Variants in SNX13 observed in about 807,000 individuals in gnomAD.
The protein encoded by SNX13 is sorting nexin 13, also known as sorting nexin-13.
A neutral mutation model predicts 133.6 loss-of-function variants in SNX13; 45 were observed. The observed-to-expected ratio is 0.34, with a 90% confidence interval of 0.27 to 0.43. The LOEUF (loss-of-function observed/expected upper bound fraction) is 0.43, where lower values mean the gene tolerates loss of function less well. Ranked by LOEUF, SNX13 falls within the 20% of genes least tolerant of loss-of-function variation. The pLI is 1.00. For missense variants in SNX13, 1,032 were observed against 1,145.1 expected (o/e 0.90, Z 1.43); for synonymous variants, 414 against 373.9 (o/e 1.11, Z -1.24).
intron 1 of SNX13, 132 bp downstream of exon 1, chr7:17,940,152 C>T (rs1802658994): frequency 8.2e-7 from 1 of 1,217,500 alleles, no homozygotes; most frequent in Non-Finnish European, 1.2e-6. Context: ...GTAGGATCCC[C>T]GCTGCTCCTC....
intron 20 of SNX13, among the ~76,000 whole-genome samples, chr7:17,809,587 C>T (rs1482632456): frequency 6.6e-6 from 1 of 152,172 alleles, no homozygotes; most frequent in Non-Finnish European, 1.5e-5. Context: ...CAAGGATATT[C>T]AGGACTTGAA....
At position 17,793,946 on chromosome 7, in the gene SNX13, G is replaced by C; in HGVS notation, c.*99C>G. 2 of 1,305,238 alleles carry C rather than the reference G, an allele frequency of 1.5e-6. No individual in the cohort carries two copies. The highest frequency in any genetic ancestry group is 2.1e-6 in the Non-Finnish European group (2 of 949,968). 80.9% of individuals were successfully genotyped at this position (1,305,238 alleles called of 1,614,324 possible). A position where few individuals can be genotyped will look rare whatever the true frequency, so the allele number is the denominator to read the frequency against. On this transcript the variant is annotated 3_prime_UTR_variant, in exon 26 of 26. Coordinates refer to ENST00000428135, the MANE Select transcript of SNX13 (RefSeq NM_015132.5). ...AATAATCTATTTTGAGACACTAAAA[G>C]ACTGGTGCAGACACAACAGTATTTG...
At chr7:17,799,848 A>G (rs1485861947) in intron 22 of SNX13, among the ~76,000 whole-genome samples, 1 of 151,880 alleles carries the variant, frequency 6.6e-6, no homozygotes, top group East Asian at 1.9e-4. Flanking sequence ...AAAAGCAGGT[A>G]CAGATTTAGT....
intron 21 of SNX13, among the ~76,000 whole-genome samples, chr7:17,802,587 T>C (rs1784755325): frequency 6.6e-6 from 1 of 152,056 alleles, no homozygotes; most frequent in South Asian, 2.1e-4. Flanking sequence ...ACAATACTGA[T>C]TTCAGTGTTA....
At chr7:17,905,609 T>G (rs1798308318) in intron 1 of SNX13, among the ~76,000 whole-genome samples, 1 of 152,232 alleles carries the variant, frequency 6.6e-6, no homozygotes, top group South Asian at 2.1e-4. Flanking sequence ...AACCAGTTAC[T>G]AACTTTATAT....
intron 1 of SNX13, among the ~76,000 whole-genome samples, chr7:17,932,015 C>T (rs563634182): frequency 3.9e-5 from 6 of 152,266 alleles, no homozygotes; most frequent in Middle Eastern, 6.8e-3. Context: ...TTTGAAACCA[C>T]GGCCAAATTT....
At chr7:17,851,276 T>C (rs73308173) in intron 9 of SNX13, among the ~76,000 whole-genome samples, 4,937 of 152,242 alleles carry the variant, frequency 0.032, 270 homozygotes, top group African/African-American at 0.11. Context: ...TCAGCAGCAA[T>C]GGAGGGCAAA....
At chr7:17,826,956 G>A (rs1026392936) in intron 16 of SNX13, among the ~76,000 whole-genome samples, 1 of 152,076 alleles carries the variant, frequency 6.6e-6, no homozygotes, top group Admixed American at 6.6e-5. Flanking sequence ...ATTTAGGGAA[G>A]ATTCTCAGCA....
chr7:17,897,297 A>G, intron 2 of SNX13, 37 bp downstream of exon 2: 2 of 1,167,686 alleles, frequency 1.7e-6, no homozygotes, highest in Non-Finnish European at 1.2e-6. Flanking sequence ...ACAAGATATG[A>G]CACATGAATT....
chr7:17,820,875 T>C (rs1300607687), intron 18 of SNX13, among the ~76,000 whole-genome samples: 2 of 151,862 alleles, frequency 1.3e-5, no homozygotes, highest in African/African-American at 4.8e-5. Flanking sequence ...ATCAAAGATC[T>C]TTTTTTTAAG....
At chr7:17,860,969 T>C (rs1165973569) in intron 9 of SNX13, among the ~76,000 whole-genome samples, 3 of 152,198 alleles carry the variant, frequency 2.0e-5, no homozygotes, top group African/African-American at 7.2e-5. Flanking sequence ...AGTATGGCTG[T>C]CTTTACAATA....
intron 5 of SNX13, chr7:17,880,668 C>T (rs1160246750): frequency 6.6e-6 from 1 of 152,142 alleles, no homozygotes; most frequent in Non-Finnish European, 1.5e-5. Context: ...GTCAGTACAG[C>T]ATACAAAGGG....
chr7:17,845,611 T>G lies in SNX13; in HGVS notation c.1149A>C (p.Ala383=), dbSNP rs1426515358. 1 of 1,592,928 alleles carries G rather than the reference T, an allele frequency of 6.3e-7. No homozygotes were observed. Among genetic ancestry groups the G allele is most frequent in the South Asian group, 1.2e-5 (1 of 86,006 alleles). ...TCTACCTACCCATAAAAAATTGTAG[T>G]GCAACATTGTCTACAAGAATGCTGT... ...PLDSILVDNV[A]LQFFMDYMQQ... The change falls in exon 12 of 26, where the codon GCA becomes GCC. Residue 383 remains alanine (A), a synonymous_variant. Coordinates refer to ENST00000428135, the MANE Select transcript of SNX13 (RefSeq NM_015132.5).
At chr7:17,820,440 A>G (rs948533256) in intron 18 of SNX13, among the ~76,000 whole-genome samples, 4 of 152,132 alleles carry the variant, frequency 2.6e-5, no homozygotes, top group African/African-American at 7.2e-5. Context: ...AAACAAATCA[A>G]GCTAAACATG....
intron 20 of SNX13, among the ~76,000 whole-genome samples, chr7:17,806,974 T>C (rs1785373207): frequency 6.6e-6 from 1 of 152,174 alleles, no homozygotes; most frequent in African/African-American, 2.4e-5. Flanking sequence ...ACCAGCAGAT[T>C]TCCTCCGGTG....
At chr7:17,824,132 C>T (rs1787608577) in intron 17 of SNX13, among the ~76,000 whole-genome samples, 1 of 151,908 alleles carries the variant, frequency 6.6e-6, no homozygotes, top group African/African-American at 2.4e-5. Context: ...GCCAATGTTA[C>T]TCATAGCAGG....
intron 5 of SNX13, among the ~76,000 whole-genome samples, chr7:17,887,926 T>C (rs1289051027): frequency 6.6e-6 from 1 of 151,936 alleles, no homozygotes. Context: ...GACTGTAAGT[T>C]AAAGAATAGA....
At chr7:17,868,923 T>C (rs12699916) in intron 8 of SNX13, among the ~76,000 whole-genome samples, 43,883 of 152,006 alleles carry the variant, frequency 0.29, 8,152 homozygotes, top group Non-Finnish European at 0.39. Flanking sequence ...TTATCAACAC[T>C]GGTTACATCT....
intron 9 of SNX13, among the ~76,000 whole-genome samples, chr7:17,859,198 G>C (rs899634427): frequency 6.6e-6 from 1 of 151,870 alleles, no homozygotes; most frequent in African/African-American, 2.4e-5. Flanking sequence ...ACATATATCT[G>C]ATAAAGAACT....
Sources: allele counts gnomAD v4.1 joint callset (sites outside exome capture counted in the v4.1 genomes callset), GRCh38; gene constraint gnomAD v4.1.1; transcripts MANE v1.5; gene names NCBI Gene and HGNC (gene_info 2026-07-23, HGNC 2026-07-21).